The following FRMPD3 variants were observed in gnomAD, a reference collection of about 807,000 sequenced individuals.
The protein encoded by FRMPD3 is FERM and PDZ domain containing 3.
In FRMPD3, 42 loss-of-function variants were observed where a neutral mutation model predicts 97.9. The observed-to-expected ratio is 0.43, with a 90% CI of 0.34 to 0.55. The LOEUF (loss-of-function observed/expected upper bound fraction) is 0.55. Ranked by LOEUF, FRMPD3 falls within the 20% of genes least tolerant of loss-of-function variation. FRMPD3 has a pLI of 0.03. For synonymous variants in FRMPD3, 577 were observed against 581.1 expected (o/e 0.99, Z 0.10); for missense variants, 1,303 against 1,457.7 (o/e 0.89, Z 1.73).
intron 1 of FRMPD3, among the ~76,000 whole-genome samples, chrX:107,459,667 G>A: frequency 8.9e-6 from 1 of 112,433 alleles, no homozygotes; most frequent in South Asian, 3.7e-4. Flanking sequence ...TCTTCTTGTG[G>A]GAGCATATGA....
chrX:107,522,911 A>T (rs765722144), intron 1 of FRMPD3, among the ~76,000 whole-genome samples: 1 of 106,452 alleles, frequency 9.4e-6, no homozygotes, highest in South Asian at 4.7e-4. Context: ...CTCAGAAACA[A>T]ACCTCGTGGG....
At chrX:107,545,877 G>A (rs751793080) in intron 5 of FRMPD3, 36 bp downstream of exon 5, 105 of 1,057,238 alleles carry the variant, frequency 9.9e-5, no homozygotes, top group Middle Eastern at 5.1e-4. Flanking sequence ...CTCAGCCCCT[G>A]GCCATAATCT....
Position 107,516,352 on chromosome X carries a change from T to C in FRMPD3, c.-7-10230T>C, listed in dbSNP as rs1390466907. 7.0e-4 allele frequency among the ~76,000 whole-genome samples: 78 copies of C among 111,254 alleles called. 1 individual carries two copies. The highest frequency in any genetic ancestry group is 2.4e-3 in the African/African-American group (73 of 30,547). ...AATAAACATACGTGTGCATGTGTCT[T>C]TATAGCAGCATGTTTTATAATCCTT... On this transcript the variant is annotated intron_variant, in intron 1 of 14. Transcript: ENST00000683843.
chrX:107,494,121 G>A (rs1167728148), intron 1 of FRMPD3, among the ~76,000 whole-genome samples: 1 of 112,028 alleles, frequency 8.9e-6, no homozygotes, highest in Non-Finnish European at 1.9e-5. Flanking sequence ...CCTAGGGCTG[G>A]AAGGTCTACC....
intron 4 of FRMPD3, among the ~76,000 whole-genome samples, chrX:107,533,989 G>A (rs1161897117): frequency 8.9e-6 from 1 of 112,023 alleles, no homozygotes; most frequent in African/African-American, 3.2e-5. Context: ...TAAATTTGCT[G>A]GGGGGTACCC....
In FRMPD3 at chrX:107,529,304, G is replaced by A. The variant is rs1922830201; in HGVS notation, c.149-1105G>A. 1.8e-5 allele frequency among the ~76,000 whole-genome samples: 2 copies of A among 111,826 alleles called. 1 individual carries two copies. The highest frequency in any genetic ancestry group is 3.8e-5 in the Non-Finnish European group (2 of 53,187). ...CCTTGCAGTAGAAATGGGAAGGAGAGCCAGGCACAGTAGCTCACGTCTGTA... is the reference window on the plus strand; with the variant it reads ...CCTTGCAGTAGAAATGGGAAGGAGAACCAGGCACAGTAGCTCACGTCTGTA... On this transcript the variant is annotated intron_variant, in intron 2 of 14. Coordinates refer to ENST00000683843, the MANE Select transcript of FRMPD3 (RefSeq NM_001388459.1).
rs116824098 is a variant in FRMPD3, at chrX:107,552,460, G to A, written c.511-335G>A. On this transcript the variant is annotated intron_variant, in intron 6 of 14. Coordinates refer to ENST00000683843, the MANE Select transcript of FRMPD3 (RefSeq NM_001388459.1). ...CAACACAGTGCCTGGCACTTAGTAA[G>A]CATTTAAAAGATAATTTTTTGAGTG... Among the ~76,000 whole-genome samples, 579 of 112,198 alleles carry A rather than the reference G, an allele frequency of 5.2e-3. 2 individuals are homozygous for A. Among genetic ancestry groups the A allele is most frequent in the African/African-American group, 0.018 (552 of 30,904 alleles).
intron 1 of FRMPD3, among the ~76,000 whole-genome samples, chrX:107,489,146 C>T (rs1013201269): frequency 5.5e-5 from 6 of 109,414 alleles, no homozygotes; most frequent in Admixed American, 3.9e-4. Flanking sequence ...TCATCCATGT[C>T]CCTACAAAGG....
chrX:107,565,707 T>A (rs867155804), intron 12 of FRMPD3, among the ~76,000 whole-genome samples: 14 of 96,876 alleles, frequency 1.4e-4, no homozygotes, highest in Middle Eastern at 0.01. Context: ...AAAAAAAAAA[T>A]AAAATAAATA....
intron 1 of FRMPD3, among the ~76,000 whole-genome samples, chrX:107,498,438 A>T (rs1448524619): frequency 8.9e-6 from 1 of 111,942 alleles, no homozygotes; most frequent in Non-Finnish European, 1.9e-5. Context: ...CTTCCACACA[A>T]GACTGGTACT....
Position 107,578,009 on chromosome X carries a change from C to T in FRMPD3, c.1441+1550C>T, listed in dbSNP as rs990327816. 4.5e-5 allele frequency among the ~76,000 whole-genome samples: 5 copies of T among 111,668 alleles called. No individual in the cohort carries two copies. In the South Asian group the frequency reaches 1.1e-3, roughly 25 times the overall value. On this transcript the variant is annotated intron_variant, in intron 13 of 14. Coordinates refer to ENST00000683843, the MANE Select transcript of FRMPD3 (RefSeq NM_001388459.1). ...CTCCAGGTGAACAGCTCTGAAGGGG[C>T]GGCCATACTAGCAAACCTACAGATG...
chrX:107,480,632 C>A (rs1242542547), intron 1 of FRMPD3, among the ~76,000 whole-genome samples: 2 of 108,550 alleles, frequency 1.8e-5, no homozygotes, highest in African/African-American at 6.7e-5. Flanking sequence ...GAGTTTGAGA[C>A]CAGCCTGGCC....
chrX:107,530,561 C>T lies in FRMPD3; in HGVS notation c.251+50C>T, dbSNP rs1443237121. Reference sequence around the variant, plus strand: ...CTGATCAGTATCCCCACCCCTGACTCACCAGTGACATGGGGCCACCACTAT... The same window carrying T: ...CTGATCAGTATCCCCACCCCTGACTTACCAGTGACATGGGGCCACCACTAT... On this transcript the variant is annotated intron_variant, in intron 3 of 14. Coordinates refer to ENST00000683843, the MANE Select transcript of FRMPD3 (RefSeq NM_001388459.1). 3 of 873,529 alleles carry T rather than the reference C, an allele frequency of 3.4e-6. No individual in the cohort carries two copies. In the South Asian group the frequency reaches 6.6e-5, roughly 19 times the overall value. 72.0% of individuals were successfully genotyped at this position (873,529 alleles called of 1,213,427 possible).
At chrX:107,536,675 T>C (rs1328145474) in intron 4 of FRMPD3, among the ~76,000 whole-genome samples, 1 of 112,253 alleles carries the variant, frequency 8.9e-6, no homozygotes, top group Non-Finnish European at 1.9e-5. Flanking sequence ...TTCTCTGAGA[T>C]AAATGCCCAA....
intron 1 of FRMPD3, among the ~76,000 whole-genome samples, chrX:107,453,217 A>G (rs1438761599): frequency 1.8e-5 from 2 of 111,037 alleles, no homozygotes; most frequent in Non-Finnish European, 3.8e-5. Context: ...AAATACACAC[A>G]CACATATCAC....
intron 1 of FRMPD3, among the ~76,000 whole-genome samples, chrX:107,474,430 A>G (rs1921146708): frequency 9.0e-6 from 1 of 111,230 alleles, no homozygotes; most frequent in South Asian, 3.9e-4. Flanking sequence ...AGGGATCAAG[A>G]GATAGGAAAA....
chrX:107,529,856 C>T (rs768521501), intron 2 of FRMPD3, among the ~76,000 whole-genome samples: 1 of 111,871 alleles, frequency 8.9e-6, no homozygotes, highest in African/African-American at 3.2e-5. Flanking sequence ...GAAGTCATTC[C>T]TTGTACCTAA....
At chrX:107,554,642 C>A in intron 8 of FRMPD3, 138 bp downstream of exon 8, 1 of 856,223 alleles carries the variant, frequency 1.2e-6, no homozygotes, top group Non-Finnish European at 1.6e-6. Context: ...TCCTTTTCTG[C>A]TACCATCGTA....
In FRMPD3 at chrX:107,568,905, AAGAGAG is replaced by A. The variant is rs112583276; in HGVS notation, c.1296+3858_1296+3863del. 9.7e-5 allele frequency among the ~76,000 whole-genome samples: 10 copies of A among 103,216 alleles called. No homozygotes were observed. In the East Asian group the frequency reaches 1.2e-3, roughly 13 times the overall value. 89.6% of individuals were successfully genotyped at this position (103,216 alleles called of 115,157 possible). A position where few individuals can be genotyped will look rare whatever the true frequency, so the allele number is the denominator to read the frequency against. ...GAGACCCTGTTCTCCACAAAAATGA[AAGAGAG>A]AGAGAGAGAGAGAGAGAGGGAGAGA... On this transcript the variant is annotated intron_variant, in intron 12 of 14. Transcript: ENST00000683843.
Sources: gnomAD v4.1 joint callset for allele counts (sites outside exome capture counted in the v4.1 genomes callset) on GRCh38, gnomAD v4.1.1 for gene constraint, MANE v1.5 for transcripts, NCBI Gene and HGNC (gene_info 2026-07-23, HGNC 2026-07-21) for gene names.